RAD51B: variants seen among roughly 807,000 people sequenced by gnomAD.
The protein encoded by RAD51B is DNA repair protein RAD51 homolog 2.
A neutral mutation model predicts 42.2 loss-of-function variants in RAD51B; 38 were observed. The observed-to-expected ratio is 0.90, with a 90% confidence interval of 0.70 to 1.18. The LOEUF (loss-of-function observed/expected upper bound fraction) is 1.18, where lower values mean the gene tolerates loss of function less well. Ranked by LOEUF, RAD51B falls within the 50% of genes most tolerant of loss-of-function variation. RAD51B has a pLI of 0.00. For missense variants in RAD51B, 373 were observed against 400.7 expected, an observed-to-expected ratio of 0.93 and a Z score of 0.59; for synonymous variants, 154 against 145.2, an observed-to-expected ratio of 1.06 and a Z score of -0.43.
chr14:68,587,106 T>C (rs1275474178), intron 10 of RAD51B, among the ~76,000 whole-genome samples: 2 of 151,970 alleles, frequency 1.3e-5, no homozygotes, highest in Non-Finnish European at 2.9e-5. Context: ...TATATGTCAG[T>C]GTTCCAGCAC....
intron 10 of RAD51B, among the ~76,000 whole-genome samples, chr14:68,504,692 G>C (rs1180618557): frequency 2.1e-5 from 1 of 47,874 alleles, no homozygotes; most frequent in Admixed American, 2.2e-4. Context: ...TTTTTTGCTA[G>C]TTCATTTTCA....
chr14:68,036,351 CTGTT>C (rs2076122491), intron 7 of RAD51B, among the ~76,000 whole-genome samples: 2 of 152,194 alleles, frequency 1.3e-5, no homozygotes, highest in South Asian at 2.1e-4. Context: ...ATGCAGTAGA[CTGTT>C]TGGCCTTTCT....
intron 3 of RAD51B, among the ~76,000 whole-genome samples, chr14:67,829,905 G>A (rs556940098): frequency 3.3e-5 from 5 of 152,208 alleles, no homozygotes; most frequent in African/African-American, 9.6e-5. Flanking sequence ...TTTATAATAG[G>A]GATTACTTAG....
At chr14:67,832,349 A>G (rs899340608) in intron 3 of RAD51B, among the ~76,000 whole-genome samples, 3 of 152,238 alleles carry the variant, frequency 2.0e-5, no homozygotes, top group Non-Finnish European at 4.4e-5. Context: ...AAAATTGTAT[A>G]TAGTATACAT....
At chr14:68,591,741 G>A (rs1431176227) in intron 10 of RAD51B, among the ~76,000 whole-genome samples, 1 of 152,158 alleles carries the variant, frequency 6.6e-6, no homozygotes, top group African/African-American at 2.4e-5. Context: ...GAGTGGTGGG[G>A]TCCTGCTACC....
chr14:68,447,009 G>A (rs986315665), intron 9 of RAD51B, among the ~76,000 whole-genome samples: 1 of 152,160 alleles, frequency 6.6e-6, no homozygotes, highest in Non-Finnish European at 1.5e-5. Context: ...CTGCAGTCAG[G>A]AGTTCGAGAC....
intron 10 of RAD51B, chr14:68,562,443 C>T: frequency 2.0e-6 from 2 of 982,502 alleles, no homozygotes; most frequent in Non-Finnish European, 2.4e-6. Flanking sequence ...CTGCCTTTGC[C>T]ATGTCAGCTG....
intron 8 of RAD51B, among the ~76,000 whole-genome samples, chr14:68,362,625 G>A (rs1239316315): frequency 6.6e-5 from 10 of 152,120 alleles, no homozygotes; most frequent in African/African-American, 1.9e-4. Flanking sequence ...CAAGGTGGGC[G>A]GATCACGAGA....
chr14:67,870,679 C>G lies in RAD51B; in HGVS notation c.452+5540C>G, dbSNP rs547685825. On this transcript the variant is annotated intron_variant, in intron 5 of 10. Transcript: ENST00000471583. ...CACCTATTCCAAAATTGACCACATA[C>G]TTGGAAGTAAAGCTCTCCTCAGCAA... is the stretch of plus-strand genomic sequence containing the variant. Among the ~76,000 whole-genome samples the G allele has an allele frequency of 3.4e-4, 33 of 97,134 alleles. 1 individual carries two copies. The South Asian group carries it at 6.0e-3, about 18-fold the overall frequency. 63.7% of individuals were successfully genotyped at this position (97,134 alleles called of 152,430 possible). A position where few individuals can be genotyped will look rare whatever the true frequency, so the allele number is the denominator to read the frequency against.
Position 68,414,739 on chromosome 14 carries a change from G to A in RAD51B, c.957+3212G>A, listed in dbSNP as rs532585164. Among the ~76,000 whole-genome samples the A allele has an allele frequency of 5.9e-5, 9 of 151,500 alleles. No individual in the cohort carries two copies. In the East Asian group the frequency reaches 1.2e-3, roughly 20 times the overall value. ...TATTACCTTAAAATCAGTGATTCTC[G>A]GCAGGACGCAGTGGCTCATGCCTGT... On this transcript the variant is annotated intron_variant, in intron 9 of 10. Coordinates refer to ENST00000471583, the MANE Select transcript of RAD51B (RefSeq NM_133510.4).
chr14:68,425,949 T>TTTCC (rs1370605938), intron 9 of RAD51B, among the ~76,000 whole-genome samples: 7 of 91,474 alleles, frequency 7.7e-5, no homozygotes, highest in African/African-American at 3.0e-4. Flanking sequence ...TCTTTCTTTC[T>TTTCC]TTCTTTCTTT....
At chr14:68,227,430 T>C (rs2080061007) in intron 7 of RAD51B, among the ~76,000 whole-genome samples, 1 of 152,344 alleles carries the variant, frequency 6.6e-6, no homozygotes, top group Middle Eastern at 3.4e-3. Flanking sequence ...AGTTACTTAA[T>C]GCATTCTGTG....
intron 7 of RAD51B, among the ~76,000 whole-genome samples, chr14:68,166,341 A>G (rs2078751631): frequency 6.6e-6 from 1 of 152,118 alleles, no homozygotes; most frequent in Non-Finnish European, 1.5e-5. Context: ...TTATTTTTAC[A>G]GTTCAGCATA....
intron 7 of RAD51B, among the ~76,000 whole-genome samples, chr14:68,051,514 C>T (rs2076393429): frequency 6.6e-6 from 1 of 151,916 alleles, no homozygotes; most frequent in Admixed American, 6.6e-5. Context: ...AGTGAAATTG[C>T]TAGGTGAATT....
At chr14:68,007,282 A>T (rs2075606809) in intron 7 of RAD51B, among the ~76,000 whole-genome samples, 1 of 152,046 alleles carries the variant, frequency 6.6e-6, no homozygotes. Context: ...TATTTGACTC[A>T]GTTTTACTTT....
In RAD51B at chr14:68,644,097, A is replaced by G. The variant is rs537577049; in HGVS notation, c.1037-6684A>G. Among the ~76,000 whole-genome samples, 30 of 152,190 alleles carry G rather than the reference A, an allele frequency of 2.0e-4. 1 individual carries two copies. The South Asian group carries it at 5.4e-3, about 27-fold the overall frequency. On this transcript the variant is annotated intron_variant, in intron 10 of 11. Coordinates refer to the RAD51B transcript ENST00000488612. ...ATTCCCTCTCCTCCCTTCTTCTTCC[A>G]GGGGCCTTGTTTTAGGCTTGACCTT... is the stretch of plus-strand genomic sequence containing the variant.
rs560534054 is a variant in RAD51B, at chr14:68,090,518, T to G, written c.757-201366T>G. 7.9e-5 allele frequency among the ~76,000 whole-genome samples: 12 copies of G among 152,200 alleles called. No homozygotes were observed. The East Asian group carries it at 1.9e-3, about 24-fold the overall frequency. On this transcript the variant is annotated intron_variant, in intron 7 of 10. Coordinates refer to ENST00000471583, the MANE Select transcript of RAD51B (RefSeq NM_133510.4). ...AGAATATTCAGTTATTTAAGAAAAG[T>G]TCACTTTGATTCTATAGTAAAATAA...
intron 11 of RAD51B, among the ~76,000 whole-genome samples, chr14:68,654,858 C>T (rs112973750): frequency 3.3e-5 from 5 of 152,290 alleles, no homozygotes; most frequent in African/African-American, 9.6e-5. Context: ...ATCCCACTGC[C>T]GTTCATGCTC....
At chr14:68,349,851 A>G (rs536567128) in intron 8 of RAD51B, among the ~76,000 whole-genome samples, 4 of 152,352 alleles carry the variant, frequency 2.6e-5, no homozygotes, top group South Asian at 2.1e-4. Flanking sequence ...TATCCCAGTC[A>G]TACTTATGCA....
Sources: allele counts gnomAD v4.1 joint callset (sites outside exome capture counted in the v4.1 genomes callset), GRCh38; gene constraint gnomAD v4.1.1; transcripts MANE v1.5; gene names NCBI Gene and HGNC (gene_info 2026-07-23, HGNC 2026-07-21).